The following RPS6KC1 variants were observed in gnomAD, a reference collection of about 807,000 sequenced individuals.
The protein encoded by RPS6KC1 is inactive ribosomal protein S6 kinase delta-1.
Under a neutral mutation model 103.8 loss-of-function variants are expected in RPS6KC1, and 54 were observed. That is an observed-to-expected ratio of 0.52 (90% confidence interval 0.42 to 0.65). RPS6KC1 has a LOEUF of 0.65. Ranked by LOEUF, RPS6KC1 falls within the 30% of genes least tolerant of loss-of-function variation. RPS6KC1 has a pLI of 0.00. For synonymous variants in RPS6KC1, 439 were observed against 438.7 expected (o/e 1.00, Z -0.01); for missense variants, 1,151 against 1,253.8 (o/e 0.92, Z 1.24).
chr1:213,176,215 G>T (rs1394338838), intron 7 of RPS6KC1, among the ~76,000 whole-genome samples, 185 bp from the exon 8 acceptor site: 1 of 151,596 alleles, frequency 6.6e-6, no homozygotes, highest in Non-Finnish European at 1.5e-5. Context: ...TTTTCTTTTT[G>T]ATTTTCTTTA....
chr1:213,679,212 A>G, the RPS6KC1 span, among the ~76,000 whole-genome samples: 1 of 152,210 alleles, frequency 6.6e-6, no homozygotes, highest in Non-Finnish European at 1.5e-5. Flanking sequence ...TGGCAATGTG[A>G]TCTGGCAAGA....
At chr1:213,388,069 C>T in the RPS6KC1 span, among the ~76,000 whole-genome samples, 2 of 152,252 alleles carry the variant, frequency 1.3e-5, no homozygotes, top group South Asian at 4.1e-4. Context: ...GCTGGCCCTC[C>T]TGGGCCCCAT....
chr1:213,854,572 CTCTCTCTT>C, the RPS6KC1 span, among the ~76,000 whole-genome samples: 284 of 147,678 alleles, frequency 1.9e-3, 2 homozygotes, highest in African/African-American at 6.8e-3. Context: ...TTCTCTCTCT[CTCTCTCTT>C]TCTTTCTTTC....
chr1:213,648,907 GCT>G, the RPS6KC1 span, among the ~76,000 whole-genome samples: 5 of 152,008 alleles, frequency 3.3e-5, no homozygotes, highest in African/African-American at 1.2e-4. Context: ...TCTTCACTCT[GCT>G]CTCTCATCCC....
At chr1:213,101,027 C>T (rs2081977199) in intron 3 of RPS6KC1, among the ~76,000 whole-genome samples, 1 of 152,174 alleles carries the variant, frequency 6.6e-6, no homozygotes, top group South Asian at 2.1e-4. Flanking sequence ...AGGGGCTGAA[C>T]TAATTTACAC....
At chr1:213,516,860 A>G in the RPS6KC1 span, among the ~76,000 whole-genome samples, 2 of 151,574 alleles carry the variant, frequency 1.3e-5, no homozygotes, top group African/African-American at 4.9e-5. Context: ...CTGGTCCTGG[A>G]CTCTTTTTCG....
chr1:213,149,135 C>G, intron 6 of RPS6KC1, among the ~76,000 whole-genome samples: 1 of 151,998 alleles, frequency 6.6e-6, no homozygotes, highest in Non-Finnish European at 1.5e-5. Context: ...TTGTTTCACT[C>G]ATCATCTGTA....
the RPS6KC1 span, among the ~76,000 whole-genome samples, chr1:213,349,129 CTTAT>C: frequency 6.6e-6 from 1 of 152,054 alleles, no homozygotes; most frequent in Non-Finnish European, 1.5e-5. Context: ...GAAGTATCTG[CTTAT>C]TTATTTATAT....
chr1:213,551,067 G>A, the RPS6KC1 span, among the ~76,000 whole-genome samples: 2 of 152,212 alleles, frequency 1.3e-5, no homozygotes, highest in African/African-American at 2.4e-5. Flanking sequence ...TAAACCTCAG[G>A]GGCTGAACTC....
intron 12 of RPS6KC1, among the ~76,000 whole-genome samples, chr1:213,251,246 A>G (rs1168385581): frequency 6.6e-6 from 1 of 151,554 alleles, no homozygotes; most frequent in Non-Finnish European, 1.5e-5. Context: ...AGCTGGGATT[A>G]CAGATGGCCA....
At chr1:213,201,843 A>G (rs1405325957) in intron 8 of RPS6KC1, among the ~76,000 whole-genome samples, 1 of 152,182 alleles carries the variant, frequency 6.6e-6, no homozygotes. Context: ...TAAAATTGTG[A>G]TACTATAGTT....
At chr1:213,759,604 C>CCTTTTA in the RPS6KC1 span, among the ~76,000 whole-genome samples, 978 of 152,304 alleles carry the variant, frequency 6.4e-3, 7 homozygotes, top group African/African-American at 0.022. Context: ...GGGCTTAAAC[C>CCTTTTA]CTGTCTGGTA....
At chr1:213,752,620 A>AG in the RPS6KC1 span, among the ~76,000 whole-genome samples, 1 of 152,190 alleles carries the variant, frequency 6.6e-6, no homozygotes, top group Non-Finnish European at 1.5e-5. Context: ...TGATCCATGG[A>AG]GGGAAAAAAA....
intron 8 of RPS6KC1, among the ~76,000 whole-genome samples, chr1:213,221,388 C>G (rs2093828297): frequency 6.6e-6 from 1 of 152,100 alleles, no homozygotes; most frequent in Non-Finnish European, 1.5e-5. Context: ...CGTCATCCCC[C>G]TTATGCTGAC....
the RPS6KC1 span, among the ~76,000 whole-genome samples, chr1:213,563,028 T>C: frequency 6.6e-6 from 1 of 152,212 alleles, no homozygotes; most frequent in Non-Finnish European, 1.5e-5. Context: ...TATATCTTTA[T>C]TCATTTTTCT....
At chr1:213,687,821 T>A in the RPS6KC1 span, among the ~76,000 whole-genome samples, 1 of 152,220 alleles carries the variant, frequency 6.6e-6, no homozygotes, top group Non-Finnish European at 1.5e-5. Context: ...GAGAGAGAGA[T>A]GCCTTTTGGC....
chr1:213,075,895 T>C (rs2079292816), intron 2 of RPS6KC1, among the ~76,000 whole-genome samples: 1 of 152,212 alleles, frequency 6.6e-6, no homozygotes, highest in Non-Finnish European at 1.5e-5. Flanking sequence ...CAGGACTCTC[T>C]AAGGTAGTAC....
At chr1:213,744,679 A>G in the RPS6KC1 span, among the ~76,000 whole-genome samples, 1 of 152,196 alleles carries the variant, frequency 6.6e-6, no homozygotes, top group Non-Finnish European at 1.5e-5. Context: ...AGACAGCAAA[A>G]AGAAGAGGTG....
At chr1:213,680,816 C>G in the RPS6KC1 span, among the ~76,000 whole-genome samples, 1 of 152,054 alleles carries the variant, frequency 6.6e-6, no homozygotes, top group Non-Finnish European at 1.5e-5. Context: ...TGGGAAAAAA[C>G]CAGACATGTT....
Sources: gnomAD v4.1 joint callset for allele counts (sites outside exome capture counted in the v4.1 genomes callset) on GRCh38, gnomAD v4.1.1 for gene constraint, MANE v1.5 for transcripts, NCBI Gene and HGNC (gene_info 2026-07-23, HGNC 2026-07-21) for gene names.